ZNF71: variants seen among roughly 807,000 people sequenced by gnomAD.
ZNF71 encodes the protein endothelial zinc finger protein induced by tumor necrosis factor alpha.
In ZNF71, 3 loss-of-function variants were observed where a neutral mutation model predicts 6.7. The observed-to-expected ratio is 0.45, with a 90% CI of 0.20 to 1.16. ZNF71 has a LOEUF of 1.16. Among genes scored for constraint, ZNF71 ranks in the 50% most tolerant of loss-of-function variants. The probability of loss-of-function intolerance (pLI) is 0.25; values close to 1 mark genes in which losing one functional copy is unlikely to be tolerated. For missense variants in ZNF71, 688 were observed against 728.6 expected (o/e 0.94, Z 0.64); for synonymous variants, 343 against 311.1 (o/e 1.10, Z -1.08).
intron 2 of ZNF71, among the ~76,000 whole-genome samples, chr19:56,608,990 G>A (rs1357141324): frequency 1.3e-5 from 2 of 152,158 alleles, no homozygotes; most frequent in African/African-American, 4.8e-5. Flanking sequence ...GGATGTTATG[G>A]TTGTCCAAAG....
At position 56,600,185 on chromosome 19, in the gene ZNF71, A is replaced by ATTTTTTT. The variant is rs1169322389; in HGVS notation, c.-52-1305_-52-1299dup. Among the ~76,000 whole-genome samples, 134 of 24,906 alleles carry ATTTTTTT rather than the reference A, an allele frequency of 5.4e-3. 33 individuals carry two copies. The African/African-American group carries it at 0.065, about 12-fold the overall frequency. The allele number at this position is 24,906 out of a possible 152,430, so 16.3% of individuals were successfully genotyped here. A position where few individuals can be genotyped will look rare whatever the true frequency, so the allele number is the denominator to read the frequency against. ...ATCTTGGCTCACTGCAACCCTCTGT[A>ATTTTTTT]TTTTTTTTTTTTTTTTTTTTTTTGA... On this transcript the variant is annotated intron_variant, in intron 1 of 3. Transcript: ENST00000599599.
rs74669105 is a variant in ZNF71, at chr19:56,603,783, GTT to G, written c.33+2205_33+2206del. ...AACAGGGTTGGGAGTTTTGGTTTAAGTTTTTTTTTTTTTTAATTACTACTAGT... is the reference window on the plus strand; with the variant it reads ...AACAGGGTTGGGAGTTTTGGTTTAAGTTTTTTTTTTTTAATTACTACTAGT... On this transcript the variant is annotated intron_variant, in intron 2 of 3. Coordinates refer to ENST00000599599, the MANE Select transcript of ZNF71 (RefSeq NM_001370215.1). The surrounding 1 kb of genome is among the most constrained non-coding windows in gnomAD (Gnocchi z 4.6). Among the ~76,000 whole-genome samples, 38 of 142,208 alleles carry G rather than the reference GTT, an allele frequency of 2.7e-4. No homozygotes were observed. In the East Asian group the frequency reaches 4.2e-3, roughly 16 times the overall value. 93.3% of individuals were successfully genotyped at this position (142,208 alleles called of 152,430 possible). A position where few individuals can be genotyped will look rare whatever the true frequency, so the allele number is the denominator to read the frequency against.
chr19:56,601,707 G>A, intron 2 of ZNF71, 116 bp downstream of exon 2: 2 of 668,124 alleles, frequency 3.0e-6, no homozygotes, highest in Non-Finnish European at 3.7e-6. Context: ...GGCTGTGTCT[G>A]CCCTGATGAA....
chr19:56,620,746 G>A (rs927657279), intron 3 of ZNF71, among the ~76,000 whole-genome samples: 2 of 152,192 alleles, frequency 1.3e-5, no homozygotes, highest in Middle Eastern at 6.8e-3. Context: ...GTCTCACTAT[G>A]TTGCCCAGGC....
rs993891260 is a variant in ZNF71, at chr19:56,598,113, A to G, written c.-53+2685A>G. Among the ~76,000 whole-genome samples the G allele has an allele frequency of 2.6e-5, 4 of 152,188 alleles. No homozygotes were observed. Among genetic ancestry groups the G allele is most frequent in the African/African-American group, 4.8e-5 (2 of 41,436 alleles). On this transcript the variant is annotated intron_variant, in intron 1 of 3. Coordinates refer to ENST00000599599, the MANE Select transcript of ZNF71 (RefSeq NM_001370215.1). This position sits in a 1 kb window ranked among gnomAD's most constrained non-coding sequence, Gnocchi z 4.2. ...GACAAACTTGAAAACAACTATTTTA[A>G]AAAAGACAGTTGTCAATAGTGGTTT...
At position 56,613,707 on chromosome 19, in the gene ZNF71, T is replaced by C; in HGVS notation, c.34-105T>C. On this transcript the variant is annotated intron_variant, in intron 2 of 3. Coordinates refer to ENST00000599599, the MANE Select transcript of ZNF71 (RefSeq NM_001370215.1). The surrounding 1 kb of genome is among the most constrained non-coding windows in gnomAD (Gnocchi z 4.6). ...TGCATCTTATTGAAATCACTTCAGC[T>C]ACATCCCATCTGCCTCCCCTAAATC... 1.1e-6 allele frequency: 1 copy of C among 936,116 alleles called. No homozygotes were observed. Among genetic ancestry groups the C allele is most frequent in the Non-Finnish European group, 1.3e-6 (1 of 766,062 alleles). 58.0% of individuals were successfully genotyped at this position (936,116 alleles called of 1,614,324 possible). A position where few individuals can be genotyped will look rare whatever the true frequency, so the allele number is the denominator to read the frequency against.
rs192826706 is a variant in ZNF71, at chr19:56,603,920, A to G, written c.33+2329A>G. Reference sequence around the variant, plus strand: ...AGGAAACCGAAAAAGATGGAGTACTAGAAAAAGGGGCCTTGGACACGTACG... The same window carrying G: ...AGGAAACCGAAAAAGATGGAGTACTGGAAAAAGGGGCCTTGGACACGTACG... On this transcript the variant is annotated intron_variant, in intron 2 of 3. Transcript: ENST00000599599. This position sits in a 1 kb window ranked among gnomAD's most constrained non-coding sequence, Gnocchi z 4.6. Among the ~76,000 whole-genome samples, 1 of 152,234 alleles carries G rather than the reference A, an allele frequency of 6.6e-6. No individual in the cohort carries two copies. Among genetic ancestry groups the G allele is most frequent in the Admixed American group, 6.5e-5 (1 of 15,302 alleles).
At chr19:56,595,853 TTGTGTGTGTGTGTGTGTG>T (rs60371305) in intron 1 of ZNF71, among the ~76,000 whole-genome samples, 2 of 137,502 alleles carry the variant, frequency 1.5e-5, no homozygotes, top group Non-Finnish European at 1.6e-5. Flanking sequence ...GTGTGTGTGT[TTGTGTGTGTGTGTGTGTG>T]TGTGTGTGTG....
In ZNF71 at chr19:56,623,323, A is replaced by C. The variant is rs924706523; in HGVS notation, c.*566A>C. ...GTTTGCCGGTTGTTTGTGAGGGGAA[A>C]AATTTTTTTTTCAGAGTTAGCAAAT... On this transcript the variant is annotated 3_prime_UTR_variant, in exon 4 of 4. Coordinates refer to ENST00000599599, the MANE Select transcript of ZNF71 (RefSeq NM_001370215.1). The C allele has an allele frequency of 5.9e-6, 1 of 168,170 alleles. No homozygotes were observed. 10.4% of individuals were successfully genotyped at this position (168,170 alleles called of 1,614,324 possible).
intron 1 of ZNF71, among the ~76,000 whole-genome samples, chr19:56,595,988 G>GTT (rs1311495215): frequency 6.6e-6 from 1 of 150,718 alleles, no homozygotes; most frequent in East Asian, 2.0e-4. Context: ...GTGGTAGCGT[G>GTT]TGTGTGTGTG....
chr19:56,613,925 C>A lies in ZNF71; in HGVS notation c.147C>A (p.Asn49Lys), dbSNP rs1472541311. ...YRDVMLENYR[N>K]LVSLDWETRP... ...ATGTCATGCTGGAGAACTACAGGAA[C>A]CTGGTCTCACTGGGTAAGGGGCAGC... Residue 49 changes from asparagine to lysine, a missense_variant, in exon 3 of 4, where the codon AAC (asparagine) becomes AAA (lysine). By Grantham distance (94) the Asn-to-Lys change is moderately conservative. Transcript: ENST00000599599. The surrounding 1 kb of genome is among the most constrained non-coding windows in gnomAD (Gnocchi z 4.6). 2.8e-6 allele frequency: 3 copies of A among 1,074,196 alleles called. No individual in the cohort carries two copies. The highest frequency in any genetic ancestry group is 3.4e-5 in the African/African-American group (2 of 59,230). The allele number at this position is 1,074,196 out of a possible 1,614,324, so 66.5% of individuals were successfully genotyped here.
rs2044858257 is a variant in ZNF71, at chr19:56,622,056, C to T, written c.949C>T (p.Leu317Phe). ...CGKAFSQNMH[L>F]IVHQRTHTGE... is the part of the protein sequence containing the mutation. Reference sequence around the variant, plus strand: ...CAAGGCCTTCAGCCAGAACATGCACCTCATCGTGCACCAGCGCACGCACAC... The same window carrying T: ...CAAGGCCTTCAGCCAGAACATGCACTTCATCGTGCACCAGCGCACGCACAC... The change falls in exon 4 of 4, where the codon CTC (leucine) becomes TTC (phenylalanine). Residue 317 changes from leucine to phenylalanine, a missense_variant. Physicochemically the swap from Leu to Phe is conservative, Grantham distance 22 (BLOSUM62 0). Transcript: ENST00000599599. 6.2e-7 allele frequency: 1 copy of T among 1,612,960 alleles called. No individual in the cohort carries two copies. The highest frequency in any genetic ancestry group is 1.3e-5 in the African/African-American group (1 of 74,898).
At chr19:56,617,638 C>T (rs576590111) in intron 3 of ZNF71, among the ~76,000 whole-genome samples, 15 of 152,274 alleles carry the variant, frequency 9.9e-5, no homozygotes, top group Non-Finnish European at 1.5e-4. Context: ...GTGGCCATGC[C>T]GTCAGACTTC....
At position 56,598,807 on chromosome 19, in the gene ZNF71, A is replaced by G. The variant is rs980708816; in HGVS notation, c.-52-2700A>G. Among the ~76,000 whole-genome samples, 2 of 145,142 alleles carry G rather than the reference A, an allele frequency of 1.4e-5. No homozygotes were observed. The highest frequency in any genetic ancestry group is 1.5e-5 in the Non-Finnish European group (1 of 67,286). On this transcript the variant is annotated intron_variant, in intron 1 of 3. Transcript: ENST00000599599. This position sits in a 1 kb window ranked among gnomAD's most constrained non-coding sequence, Gnocchi z 4.2. Reference sequence around the variant, plus strand: ...CTTCTGCCAACTTGGCCTTATATATATGCCCCCCTACAATTAAAATTACTT... The same window carrying G: ...CTTCTGCCAACTTGGCCTTATATATGTGCCCCCCTACAATTAAAATTACTT...
intron 2 of ZNF71, among the ~76,000 whole-genome samples, chr19:56,604,559 T>G (rs539977680): frequency 1.3e-5 from 2 of 152,290 alleles, no homozygotes; most frequent in African/African-American, 2.4e-5. Flanking sequence ...AGGGGGACAT[T>G]GTTATCAGGA....
rs1319027696 is a variant in ZNF71, at chr19:56,603,908, A to T, written c.33+2317A>T. ...GTGTCATTAGACAGGAAACCGAAAA[A>T]GATGGAGTACTAGAAAAAGGGGCCT... On this transcript the variant is annotated intron_variant, in intron 2 of 3. Coordinates refer to ENST00000599599, the MANE Select transcript of ZNF71 (RefSeq NM_001370215.1). The surrounding 1 kb of genome is among the most constrained non-coding windows in gnomAD (Gnocchi z 4.6). Among the ~76,000 whole-genome samples, 1 of 152,082 alleles carries T rather than the reference A, an allele frequency of 6.6e-6. No individual in the cohort carries two copies. The highest frequency in any genetic ancestry group is 2.4e-5 in the African/African-American group (1 of 41,410).
At position 56,613,440 on chromosome 19, in the gene ZNF71, A is replaced by AG. The variant is rs2044767025; in HGVS notation, c.34-368dup. ...CTGGGCTTGCTGCCTGGTGCTTAGT[A>AG]GGGGCTCAGAAAAGTTAGCTGTGCC... On this transcript the variant is annotated intron_variant, in intron 2 of 3. Transcript: ENST00000599599. The surrounding 1 kb of genome is among the most constrained non-coding windows in gnomAD (Gnocchi z 4.6). Among the ~76,000 whole-genome samples the AG allele has an allele frequency of 6.6e-6, 1 of 152,194 alleles. No individual in the cohort carries two copies. Among genetic ancestry groups the AG allele is most frequent in the Non-Finnish European group, 1.5e-5 (1 of 68,036 alleles).
At chr19:56,596,218 T>A (rs891763887) in intron 1 of ZNF71, among the ~76,000 whole-genome samples, 1 of 152,004 alleles carries the variant, frequency 6.6e-6, no homozygotes, top group Non-Finnish European at 1.5e-5. Flanking sequence ...TTGGCATGAG[T>A]GTAGGGCTGT....
intron 2 of ZNF71, among the ~76,000 whole-genome samples, chr19:56,606,520 G>A (rs2044711230): frequency 6.6e-6 from 1 of 152,094 alleles, no homozygotes; most frequent in Non-Finnish European, 1.5e-5. Context: ...TACTATTTTG[G>A]GGTTGATGGG....
Sources: allele counts gnomAD v4.1 joint callset (sites outside exome capture counted in the v4.1 genomes callset), GRCh38; gene constraint gnomAD v4.1.1; non-coding constraint Gnocchi (gnomAD v3.1); transcripts MANE v1.5; gene names NCBI Gene and HGNC (gene_info 2026-07-23, HGNC 2026-07-21).